CRACD: variants seen among roughly 807,000 people sequenced by gnomAD.
CRACD encodes capping protein inhibiting regulator of actin dynamics, also known as capping protein-inhibiting regulator of actin dynamics.
Under a neutral mutation model 106.8 loss-of-function variants are expected in CRACD, and 56 were observed. That is an observed-to-expected ratio of 0.52 (90% CI 0.42 to 0.66). The LOEUF is 0.66. CRACD is among the 30% of genes least tolerant of loss of function. CRACD has a pLI of 0.00. For missense variants in CRACD, 1,730 were observed against 1,623.2 expected (o/e 1.07, Z -1.13); for synonymous variants, 754 against 670.8 (o/e 1.12, Z -1.92).
chr4:56,135,127 C>T (rs775444518), intron 1 of CRACD, among the ~76,000 whole-genome samples: 8 of 152,010 alleles, frequency 5.3e-5, no homozygotes, highest in Admixed American at 1.3e-4. Context: ...ACTAAAAATA[C>T]AAACAAAAAT....
At chr4:56,209,169 C>T (rs1472836211) in intron 2 of CRACD, among the ~76,000 whole-genome samples, 2 of 152,104 alleles carry the variant, frequency 1.3e-5, no homozygotes, top group African/African-American at 4.8e-5. Flanking sequence ...AGCTTTTGAC[C>T]ACACCAGATT....
chr4:56,252,775 G>C (rs1741127526), intron 2 of CRACD, among the ~76,000 whole-genome samples: 1 of 152,144 alleles, frequency 6.6e-6, no homozygotes, highest in Admixed American at 6.6e-5. Context: ...TGGATATACT[G>C]GGGCAGAATT....
intron 2 of CRACD, among the ~76,000 whole-genome samples, chr4:56,244,519 T>C (rs1241902524): frequency 2.0e-5 from 3 of 152,224 alleles, no homozygotes; most frequent in Non-Finnish European, 4.4e-5. Flanking sequence ...TAGATGTATT[T>C]TTTACTTTAT....
At chr4:56,207,874 T>A (rs184358707) in intron 2 of CRACD, among the ~76,000 whole-genome samples, 21 of 150,890 alleles carry the variant, frequency 1.4e-4, no homozygotes, top group Admixed American at 2.0e-4. Flanking sequence ...TCACCCAGAC[T>A]GGAGTGACAC....
intron 2 of CRACD, among the ~76,000 whole-genome samples, chr4:56,209,247 A>G (rs980169150): frequency 2.0e-5 from 3 of 152,164 alleles, no homozygotes; most frequent in Non-Finnish European, 2.9e-5. Flanking sequence ...AATTTTATCT[A>G]CATTCCTTTT....
At chr4:56,222,279 A>G (rs1179071188) in intron 2 of CRACD, among the ~76,000 whole-genome samples, 2 of 152,218 alleles carry the variant, frequency 1.3e-5, no homozygotes, top group Admixed American at 1.3e-4. Context: ...TTTTAATTGA[A>G]ATAACACAGG....
At chr4:56,102,144 A>G (rs1733793133) in intron 1 of CRACD, among the ~76,000 whole-genome samples, 2 of 152,150 alleles carry the variant, frequency 1.3e-5, no homozygotes, top group Admixed American at 6.5e-5. Flanking sequence ...CAGCCTTTCC[A>G]GATACTGCCA....
chr4:56,258,738 T>G (rs1300158292), intron 2 of CRACD, among the ~76,000 whole-genome samples: 1 of 152,282 alleles, frequency 6.6e-6, no homozygotes, highest in South Asian at 2.1e-4. Context: ...GAAGGAAAAA[T>G]GACCAGAGGT....
chr4:56,241,023 AGCTCAGAGC>A (rs1271997375), intron 2 of CRACD, among the ~76,000 whole-genome samples: 5 of 152,162 alleles, frequency 3.3e-5, no homozygotes, highest in Admixed American at 6.5e-5. Context: ...GCAGGAAAGG[AGCTCAGAGC>A]GTTATCAGCT....
chr4:56,215,020 C>T (rs1738609752), intron 2 of CRACD, among the ~76,000 whole-genome samples: 1 of 151,608 alleles, frequency 6.6e-6, no homozygotes, highest in South Asian at 2.1e-4. Flanking sequence ...AACAAACAAA[C>T]AAAAAAAGAG....
intron 1 of CRACD, among the ~76,000 whole-genome samples, chr4:56,109,853 C>T (rs1260736657): frequency 6.6e-6 from 1 of 151,304 alleles, no homozygotes; most frequent in Non-Finnish European, 1.5e-5. Context: ...GAGTATCAGT[C>T]CATGAGGCCC....
intron 2 of CRACD, among the ~76,000 whole-genome samples, chr4:56,180,744 G>A (rs999379054): frequency 3.3e-5 from 5 of 152,028 alleles, no homozygotes; most frequent in African/African-American, 1.2e-4. Flanking sequence ...TGACTATTTG[G>A]TTACTTTATT....
At chr4:56,070,691 C>T (rs952411324) in intron 1 of CRACD, among the ~76,000 whole-genome samples, 2 of 152,136 alleles carry the variant, frequency 1.3e-5, no homozygotes, top group Non-Finnish European at 1.5e-5. Flanking sequence ...AGCGTGATTC[C>T]CAGGACACTG....
At chr4:56,162,514 A>C (rs559693652) in intron 1 of CRACD, among the ~76,000 whole-genome samples, 1 of 151,434 alleles carries the variant, frequency 6.6e-6, no homozygotes, top group East Asian at 1.9e-4. Flanking sequence ...GCTGGGCTTG[A>C]ATTTTTAAAT....
chr4:56,106,050 G>T (rs1325027380), intron 1 of CRACD, among the ~76,000 whole-genome samples: 2 of 151,934 alleles, frequency 1.3e-5, no homozygotes, highest in African/African-American at 2.4e-5. Context: ...AGTTAACTAT[G>T]CTGTAGCTTA....
intron 1 of CRACD, among the ~76,000 whole-genome samples, chr4:56,078,487 G>T (rs1488938428): frequency 2.6e-5 from 4 of 152,088 alleles, no homozygotes; most frequent in Non-Finnish European, 5.9e-5. Context: ...GCTCACTGCA[G>T]CCTCAATCTC....
intron 2 of CRACD, among the ~76,000 whole-genome samples, chr4:56,213,169 G>A (rs1053622138): frequency 9.9e-5 from 15 of 152,110 alleles, no homozygotes; most frequent in Admixed American, 4.6e-4. Flanking sequence ...AATTGAGGCC[G>A]GGCACAATAG....
chr4:56,318,762 A>G (rs1745851709), intron 8 of CRACD, among the ~76,000 whole-genome samples: 1 of 152,180 alleles, frequency 6.6e-6, no homozygotes, highest in Admixed American at 6.5e-5. Flanking sequence ...GACTGGCCAA[A>G]TTTGTCTGAC....
chr4:56,154,628 T>TA (rs1227417373), intron 1 of CRACD, among the ~76,000 whole-genome samples: 1 of 152,082 alleles, frequency 6.6e-6, no homozygotes, highest in Non-Finnish European at 1.5e-5. Context: ...ATCTTTAAAA[T>TA]AAAAAAATAG....
Sources: allele counts gnomAD v4.1 joint callset (sites outside exome capture counted in the v4.1 genomes callset), GRCh38; gene constraint gnomAD v4.1.1; transcripts MANE v1.5; gene names NCBI Gene and HGNC (gene_info 2026-07-23, HGNC 2026-07-21).